Variants in SCHIP1 observed in about 807,000 individuals in gnomAD.
SCHIP1 encodes schwannomin interacting protein 1, also known as schwannomin-interacting protein 1.
A neutral mutation model predicts 29.7 loss-of-function variants in SCHIP1; 8 were observed. The ratio of observed to expected loss-of-function variants is 0.27; its 90% CI spans 0.16 to 0.49. The LOEUF is 0.49. SCHIP1 is among the 20% of genes least tolerant of loss of function. The pLI, the probability that SCHIP1 is intolerant of heterozygous loss-of-function variation, is 0.99. For missense variants in SCHIP1, 193 were observed against 294.6 expected, an observed-to-expected ratio of 0.66 and a Z score of 2.52; for synonymous variants, 76 against 94.9, an observed-to-expected ratio of 0.80 and a Z score of 1.16.
chr3:159,583,835 C>T, the SCHIP1 span, among the ~76,000 whole-genome samples: 1 of 152,170 alleles, frequency 6.6e-6, no homozygotes, highest in Non-Finnish European at 1.5e-5. Context: ...GTTGTCCTCT[C>T]TTGCTCCTTG....
At chr3:159,336,907 G>A in the SCHIP1 span, among the ~76,000 whole-genome samples, 1 of 152,036 alleles carries the variant, frequency 6.6e-6, no homozygotes, top group Non-Finnish European at 1.5e-5. Flanking sequence ...GATGGGGATG[G>A]CATTGAATCT....
the SCHIP1 span, among the ~76,000 whole-genome samples, chr3:159,544,132 T>C: frequency 5.9e-5 from 9 of 152,172 alleles, no homozygotes; most frequent in African/African-American, 1.7e-4. Flanking sequence ...AGTTTTGTTT[T>C]TGAGTTTTAT....
At chr3:159,528,228 T>C in the SCHIP1 span, among the ~76,000 whole-genome samples, 4 of 152,172 alleles carry the variant, frequency 2.6e-5, no homozygotes, top group Non-Finnish European at 4.4e-5. Context: ...GAACAAAACA[T>C]AAAATTGTTG....
At chr3:159,435,211 G>A in the SCHIP1 span, among the ~76,000 whole-genome samples, 1 of 152,122 alleles carries the variant, frequency 6.6e-6, no homozygotes, top group African/African-American at 2.4e-5. Context: ...ATGCCCAACA[G>A]CAAGGTTGCT....
At chr3:159,892,772 T>C (rs1717671158) in intron 6 of SCHIP1, 2 of 153,700 alleles carry the variant, frequency 1.3e-5, no homozygotes, top group African/African-American at 4.8e-5. Flanking sequence ...ACAAGGAAAC[T>C]AGGCTAATGC....
the SCHIP1 span, among the ~76,000 whole-genome samples, chr3:159,468,358 T>C: frequency 2.0e-5 from 3 of 152,076 alleles, no homozygotes; most frequent in Admixed American, 6.6e-5. Context: ...CATAAGTAAA[T>C]TTGGGAAATA....
chr3:159,783,174 A>G, the SCHIP1 span, among the ~76,000 whole-genome samples: 6 of 152,194 alleles, frequency 3.9e-5, no homozygotes, highest in African/African-American at 1.4e-4. Context: ...CAAGTGGTCT[A>G]TTTATTTTGT....
At chr3:159,474,472 A>C in the SCHIP1 span, among the ~76,000 whole-genome samples, 1 of 152,160 alleles carries the variant, frequency 6.6e-6, no homozygotes, top group South Asian at 2.1e-4. Flanking sequence ...GTATCTTATG[A>C]ATAAGTATAT....
chr3:159,562,746 C>T, the SCHIP1 span, among the ~76,000 whole-genome samples: 1 of 152,160 alleles, frequency 6.6e-6, no homozygotes, highest in African/African-American at 2.4e-5. Flanking sequence ...GAAGCAACCA[C>T]ATGGGAGACA....
At chr3:159,505,746 T>A in the SCHIP1 span, among the ~76,000 whole-genome samples, 1 of 152,162 alleles carries the variant, frequency 6.6e-6, no homozygotes, top group African/African-American at 2.4e-5. Context: ...CTTGCGATAG[T>A]TTGCTGAGAA....
chr3:159,535,918 C>A, the SCHIP1 span, among the ~76,000 whole-genome samples: 1 of 152,168 alleles, frequency 6.6e-6, no homozygotes, highest in East Asian at 1.9e-4. Context: ...TGCATGTGAC[C>A]TGTGAGCCAT....
At chr3:159,543,165 A>G in the SCHIP1 span, among the ~76,000 whole-genome samples, 1 of 151,254 alleles carries the variant, frequency 6.6e-6, no homozygotes, top group Admixed American at 6.6e-5. Flanking sequence ...ATTTAATGTC[A>G]TTGAATAGAA....
At chr3:159,819,901 C>T in the SCHIP1 span, among the ~76,000 whole-genome samples, 1 of 152,296 alleles carries the variant, frequency 6.6e-6, no homozygotes, top group East Asian at 1.9e-4. Flanking sequence ...TTAGGTGAGG[C>T]GTAGCCCTCA....
chr3:159,801,887 A>C, the SCHIP1 span, among the ~76,000 whole-genome samples: 1 of 152,176 alleles, frequency 6.6e-6, no homozygotes, highest in Non-Finnish European at 1.5e-5. Context: ...TGCAGCCCAC[A>C]GCACCTGCTA....
the SCHIP1 span, among the ~76,000 whole-genome samples, chr3:159,396,262 G>A: frequency 1.3e-5 from 2 of 151,496 alleles, no homozygotes; most frequent in South Asian, 4.2e-4. Context: ...GATGGGTCTC[G>A]ACTCTTTATC....
chr3:159,416,798 G>A, the SCHIP1 span, among the ~76,000 whole-genome samples: 1 of 152,174 alleles, frequency 6.6e-6, no homozygotes, highest in Non-Finnish European at 1.5e-5. Context: ...GCTTTGTAGG[G>A]CTTCTGGGCA....
At chr3:159,511,271 T>A in the SCHIP1 span, among the ~76,000 whole-genome samples, 2 of 152,238 alleles carry the variant, frequency 1.3e-5, no homozygotes, top group African/African-American at 4.8e-5. Flanking sequence ...CTCAGTCAAG[T>A]GCAGGATATA....
chr3:159,856,307 G>C (rs1261863563), intron 1 of SCHIP1, among the ~76,000 whole-genome samples: 2 of 152,152 alleles, frequency 1.3e-5, no homozygotes, highest in South Asian at 2.1e-4. Context: ...CCGTCCCAAT[G>C]GGGGAGGCAC....
At chr3:159,383,830 T>C in the SCHIP1 span, among the ~76,000 whole-genome samples, 18 of 151,464 alleles carry the variant, frequency 1.2e-4, no homozygotes, top group Admixed American at 1.2e-3. Context: ...TCACATCCCT[T>C]GTAAGTTGGA....
Sources: allele counts gnomAD v4.1 joint callset (sites outside exome capture counted in the v4.1 genomes callset), GRCh38; gene constraint gnomAD v4.1.1; transcripts MANE v1.5; gene names NCBI Gene and HGNC (gene_info 2026-07-23, HGNC 2026-07-21).